Variants in HOXB6 observed in about 807,000 individuals in gnomAD.
HOXB6 encodes the protein homeobox B6, also known as homeobox protein Hox-B6.
HOXB6 carries 18 observed loss-of-function variants against 24.2 expected under a neutral mutation model. The ratio of observed to expected loss-of-function variants is 0.74; its 90% CI spans 0.51 to 1.10. The LOEUF (loss-of-function observed/expected upper bound fraction) is 1.10. HOXB6 is among the 50% of genes least tolerant of loss of function. The pLI, the probability that HOXB6 is intolerant of heterozygous loss-of-function variation, is 0.00. For synonymous variants in HOXB6, 159 were observed against 139.1 expected, an observed-to-expected ratio of 1.14 and a Z score of -1.01; for missense variants, 332 against 308.3, an observed-to-expected ratio of 1.08 and a Z score of -0.58.
At chr17:48,602,497 C>CGCT (rs2144980721) in intron 2 of HOXB6, 2 of 235,102 alleles carry the variant, frequency 8.5e-6, no homozygotes, top group African/African-American at 4.5e-5. Context: ...TAGAGGAAGC[C>CGCT]GCTTCCCTTG....
rs772427132 is a variant in HOXB6 at position 48,596,680 on chromosome 17, G to T, written c.416-8C>A. On this transcript the variant is annotated splice_region_variant and splice_polypyrimidine_tract_variant and intron_variant, in intron 3 of 3. Transcript: ENST00000225648. The surrounding 1 kb of genome is among the most constrained non-coding windows in gnomAD (Gnocchi z 4.8). The stretch of plus-strand genomic sequence containing the variant: ...TGGGCCCAAAGGAGGAACCTGTTAC[G>T]CAGAGTGGAGATGCTGAGGCCTGCG... The T allele has an allele frequency of 1.9e-6, 3 of 1,611,342 alleles. No homozygotes were observed. The highest frequency in any genetic ancestry group is 2.5e-6 in the Non-Finnish European group (3 of 1,180,002).
In HOXB6 at chr17:48,596,479, C is replaced by T. The variant is rs753721139; in HGVS notation, c.609G>A (p.Lys203=). ...WFQNRRMKWK[K]ESKLLSASQL... Reference sequence around the variant, plus strand: ...GAGACGCGCTGAGCAGTTTGCTCTCCTTTTTCCACTTCATGCGTCGGTTCT... The same window carrying T: ...GAGACGCGCTGAGCAGTTTGCTCTCTTTTTTCCACTTCATGCGTCGGTTCT... Residue 203 remains lysine, a synonymous_variant, in exon 4 of 4, where the codon AAG becomes AAA. Coordinates refer to ENST00000225648, the MANE Select transcript of HOXB6 (RefSeq NM_018952.5). The surrounding 1 kb of genome is among the most constrained non-coding windows in gnomAD (Gnocchi z 4.8). The T allele has an allele frequency of 1.9e-6, 3 of 1,614,148 alleles. No homozygotes were observed. The highest frequency in any genetic ancestry group is 2.7e-5 in the African/African-American group (2 of 74,946).
chr17:48,604,068 A>T (rs1185816831), intron 2 of HOXB6: 1 of 152,780 alleles, frequency 6.5e-6, no homozygotes, highest in East Asian at 1.9e-4. Flanking sequence ...GCGCTGGGGC[A>T]ATAGCCAGAG....
In HOXB6 at chr17:48,597,128, A is replaced by G. The variant is rs2070321867; in HGVS notation, c.416-456T>C. 4 of 1,051,438 alleles carry G rather than the reference A, an allele frequency of 3.8e-6. No homozygotes were observed. In the African/African-American group the frequency reaches 5.0e-5, roughly 13 times the overall value. 65.1% of individuals were successfully genotyped at this position (1,051,438 alleles called of 1,614,324 possible). A position where few individuals can be genotyped will look rare whatever the true frequency, so the allele number is the denominator to read the frequency against. On this transcript the variant is annotated intron_variant, in intron 3 of 3. Coordinates refer to ENST00000225648, the MANE Select transcript of HOXB6 (RefSeq NM_018952.5). ...TGGACATCAGTTGGGACTTAAGGCC[A>G]ACAAATAATCCAACCTGAGACCCCG...
rs192722836 is a variant in HOXB6 at position 48,596,011 on chromosome 17, A to G, written c.*402T>C. On this transcript the variant is annotated 3_prime_UTR_variant, in exon 4 of 4. Coordinates refer to ENST00000225648, the MANE Select transcript of HOXB6 (RefSeq NM_018952.5). The surrounding 1 kb of genome is among the most constrained non-coding windows in gnomAD (Gnocchi z 4.8). ...CAGGTCTGGGATCAGGGAGTCTTCA[A>G]GGCCCCCGCTGAGGGGACAGCGAAT... The G allele has an allele frequency of 1.7e-5, 8 of 464,450 alleles. No homozygotes were observed. In the East Asian group the frequency reaches 5.4e-4, roughly 31 times the overall value. The allele number at this position is 464,450 out of a possible 1,614,324, so 28.8% of individuals were successfully genotyped here. A position where few individuals can be genotyped will look rare whatever the true frequency, so the allele number is the denominator to read the frequency against.
In HOXB6 at chr17:48,597,869, G is replaced by C. The variant is rs760358158; in HGVS notation, c.282C>G (p.Asp94Glu). The part of the protein sequence containing the change: ...KESACALSGA[D>E]EQPPFHPEPR... ...GCTCGGGGTGGAACGGGGGCTGCTC[G>C]TCGGCGCCGGAGAGTGCGCAGGCCG... Residue 94 changes from aspartate to glutamate, a missense_variant, in exon 3 of 4, where the codon GAC becomes GAG. Transcript: ENST00000225648. 5 of 1,591,742 alleles carry C rather than the reference G, an allele frequency of 3.1e-6. No homozygotes were observed. The highest frequency in any genetic ancestry group is 2.3e-5 in the South Asian group (2 of 88,574).
chr17:48,597,126 C>A, intron 3 of HOXB6: 2 of 1,055,462 alleles, frequency 1.9e-6, no homozygotes, highest in Non-Finnish European at 2.3e-6. Context: ...GGACTTAAGG[C>A]CAACAAATAA....
rs747245099 is a variant in HOXB6, at chr17:48,597,765, G to C, written c.386C>G (p.Pro129Arg). 3.7e-6 allele frequency: 6 copies of C among 1,612,854 alleles called. No homozygotes were observed. Among genetic ancestry groups the C allele is most frequent in the South Asian group, 3.3e-5 (3 of 90,798 alleles). The change falls in exon 3 of 4, where the codon CCG (proline) becomes CGG (arginine). Residue 129 changes from proline to arginine, a missense_variant. Coordinates refer to ENST00000225648, the MANE Select transcript of HOXB6 (RefSeq NM_018952.5). Reference sequence around the variant, plus strand: ...GCACGAATTCATCCGCTGCATCCACGGGTAGACCGGAGTGGAGCACTTCTG... The same window carrying C: ...GCACGAATTCATCCGCTGCATCCACCGGTAGACCGGAGTGGAGCACTTCTG... Reference protein sequence around the residue: ...EEQKCSTPVYPWMQRMNSCNS... With the variant: ...EEQKCSTPVYRWMQRMNSCNS...
chr17:48,596,037 C>G lies in HOXB6; in HGVS notation c.*376G>C, dbSNP rs1189710614. ...GGCCCCCGCTGAGGGGACAGCGAAT[C>G]TACCATTGAACCGTGCACGGGGGAC... On this transcript the variant is annotated 3_prime_UTR_variant, in exon 4 of 4. Coordinates refer to ENST00000225648, the MANE Select transcript of HOXB6 (RefSeq NM_018952.5). The surrounding 1 kb of genome is among the most constrained non-coding windows in gnomAD (Gnocchi z 4.8). 1 of 476,224 alleles carries G rather than the reference C, an allele frequency of 2.1e-6. No individual in the cohort carries two copies. Among genetic ancestry groups the G allele is most frequent in the South Asian group, 1.5e-5 (1 of 64,722 alleles). 29.5% of individuals were successfully genotyped at this position (476,224 alleles called of 1,614,324 possible).
At chr17:48,597,211 C>T in intron 3 of HOXB6, 2 of 390,822 alleles carry the variant, frequency 5.1e-6, no homozygotes, top group African/African-American at 4.3e-5. Flanking sequence ...CCCCTTATTC[C>T]TCCTCCCTCC....
At chr17:48,601,015 T>TGTG (rs1555645474) in intron 2 of HOXB6, among the ~76,000 whole-genome samples, 9 of 149,170 alleles carry the variant, frequency 6.0e-5, no homozygotes, top group Admixed American at 1.3e-4. Context: ...TGTGTGTGTG[T>TGTG]GTGTGGTGTG....
intron 2 of HOXB6, chr17:48,600,630 T>C: frequency 2.3e-6 from 1 of 438,222 alleles, no homozygotes; most frequent in Non-Finnish European, 4.6e-6. Flanking sequence ...GACTCCTTTC[T>C]GGAGCCAGAT....
In HOXB6 at chr17:48,597,076, C is replaced by T. The variant is rs145692958; in HGVS notation, c.416-404G>A. The T allele has an allele frequency of 7.8e-5, 86 of 1,103,020 alleles. No homozygotes were observed. In the African/African-American group the frequency reaches 1.2e-3, roughly 16 times the overall value. The allele number at this position is 1,103,020 out of a possible 1,614,324, so 68.3% of individuals were successfully genotyped here. A position where few individuals can be genotyped will look rare whatever the true frequency, so the allele number is the denominator to read the frequency against. ...TAGATCGATCCATAGTCCACATTAA[C>T]GGCTCCTCACTTTCGAGTCCGGCTA... is the stretch of plus-strand genomic sequence containing the variant. On this transcript the variant is annotated intron_variant, in intron 3 of 3. Coordinates refer to ENST00000225648, the MANE Select transcript of HOXB6 (RefSeq NM_018952.5).
At chr17:48,600,948 C>G (rs984490442) in intron 2 of HOXB6, among the ~76,000 whole-genome samples, 4 of 151,332 alleles carry the variant, frequency 2.6e-5, no homozygotes, top group Admixed American at 2.6e-4. Context: ...GTGTTCAGTT[C>G]GGGAGTAAAA....
At chr17:48,603,733 C>T (rs1257012848) in intron 2 of HOXB6, 1 of 152,242 alleles carries the variant, frequency 6.6e-6, no homozygotes, top group African/African-American at 2.4e-5. Flanking sequence ...AACCACAAAA[C>T]TGTCTCCCTG....
At position 48,597,809 on chromosome 17, in the gene HOXB6, C is replaced by T. The variant is rs372308259; in HGVS notation, c.342G>A (p.Val114=). 6.8e-6 allele frequency: 11 copies of T among 1,609,820 alleles called. 1 individual carries two copies. The African/African-American group carries it at 1.1e-4, about 16-fold the overall frequency. The change falls in exon 3 of 4, where the codon GTG becomes GTA. Residue 114 remains valine, a synonymous_variant. Coordinates refer to ENST00000225648, the MANE Select transcript of HOXB6 (RefSeq NM_018952.5). ...RKSDCAQDKS[V]FGETEEQKCS... is the part of the protein sequence containing the mutation. Reference sequence around the variant, plus strand: ...ACTTCTGCTCTTCTGTCTCGCCGAACACGCTCTTGTCCTGCGCGCAGTCCG... The same window carrying T: ...ACTTCTGCTCTTCTGTCTCGCCGAATACGCTCTTGTCCTGCGCGCAGTCCG...
chr17:48,603,366 C>A (rs1260552813), intron 2 of HOXB6, among the ~76,000 whole-genome samples: 1 of 152,154 alleles, frequency 6.6e-6, no homozygotes, highest in Non-Finnish European at 1.5e-5. Context: ...CTCCCCACCC[C>A]CTAGAAGGCC....
rs2070315164 is a variant in HOXB6, at chr17:48,596,949, T to C, written c.416-277A>G. On this transcript the variant is annotated intron_variant, in intron 3 of 3. Coordinates refer to ENST00000225648, the MANE Select transcript of HOXB6 (RefSeq NM_018952.5). This position sits in a 1 kb window ranked among gnomAD's most constrained non-coding sequence, Gnocchi z 4.8. ...GGGGCTGGTCAGGTGTGTCTCTTCC[T>C]AGTTGCATCTTGTCTTTCCCTCCCT... 7.5e-6 allele frequency: 10 copies of C among 1,339,006 alleles called. No individual in the cohort carries two copies. Among genetic ancestry groups the C allele is most frequent in the South Asian group, 1.5e-5 (1 of 64,574 alleles). 82.9% of individuals were successfully genotyped at this position (1,339,006 alleles called of 1,614,324 possible). A position where few individuals can be genotyped will look rare whatever the true frequency, so the allele number is the denominator to read the frequency against.
At chr17:48,603,707 T>C (rs2070520043) in intron 2 of HOXB6, 1 of 152,074 alleles carries the variant, frequency 6.6e-6, no homozygotes, top group South Asian at 2.1e-4. Flanking sequence ...CCAACAGCTG[T>C]AACCTACCGC....
Sources: allele counts gnomAD v4.1 joint callset (sites outside exome capture counted in the v4.1 genomes callset), GRCh38; gene constraint gnomAD v4.1.1; non-coding constraint Gnocchi (gnomAD v3.1); transcripts MANE v1.5; gene names NCBI Gene and HGNC (gene_info 2026-07-23, HGNC 2026-07-21).